Variants in RXRA observed in about 807,000 individuals in gnomAD.
RXRA encodes retinoid X receptor alpha, also known as retinoic acid receptor RXR-alpha.
Under a neutral mutation model 44.5 loss-of-function variants are expected in RXRA, and 5 were observed. The observed-to-expected ratio is 0.11, with a 90% confidence interval of 0.06 to 0.24. The LOEUF (loss-of-function observed/expected upper bound fraction) is 0.24. RXRA is among the 10% of genes least tolerant of loss of function. The pLI, the probability that RXRA is intolerant of heterozygous loss-of-function variation, is 1.00. For synonymous variants in RXRA, 291 were observed against 271.4 expected (o/e 1.07, Z -0.71); for missense variants, 412 against 646.5 (o/e 0.64, Z 3.93).
At chr9:134,361,210 G>T (rs929487581) in intron 1 of RXRA, among the ~76,000 whole-genome samples, 1 of 152,198 alleles carries the variant, frequency 6.6e-6, no homozygotes, top group African/African-American at 2.4e-5. Flanking sequence ...TTCCGGTTGG[G>T]CACTGGGTCT....
At chr9:134,429,633 C>T (rs1347767927) in intron 7 of RXRA, among the ~76,000 whole-genome samples, 1 of 152,200 alleles carries the variant, frequency 6.6e-6, no homozygotes, top group African/African-American at 2.4e-5. Context: ...CAGCCCGGGG[C>T]GTGGTGCGGC....
intron 1 of RXRA, among the ~76,000 whole-genome samples, chr9:134,355,696 G>T (rs1050808267): frequency 5.9e-5 from 9 of 152,094 alleles, no homozygotes; most frequent in Non-Finnish European, 7.4e-5. Flanking sequence ...CCCGCTGGGT[G>T]GGGGAGGTCC....
chr9:134,417,423 G>A lies in RXRA; in HGVS notation c.780+96G>A. 1 of 1,434,460 alleles carries A rather than the reference G, an allele frequency of 7.0e-7. No homozygotes were observed. The highest frequency in any genetic ancestry group is 1.3e-5 in the South Asian group (1 of 76,946). 88.9% of individuals were successfully genotyped at this position (1,434,460 alleles called of 1,614,324 possible). On this transcript the variant is annotated intron_variant, in intron 5 of 9. Transcript: ENST00000481739. The surrounding 1 kb of genome is among the most constrained non-coding windows in gnomAD (Gnocchi z 6.1). ...CCTGAGCAGCTGATGAGCCAGAGAG[G>A]TCCTGGGGGCTGCCCTGGGCCCTGT...
chr9:134,413,989 T>C (rs1185998036), intron 4 of RXRA, among the ~76,000 whole-genome samples: 2 of 152,164 alleles, frequency 1.3e-5, no homozygotes, highest in East Asian at 3.9e-4. Flanking sequence ...GTAAAGAGGC[T>C]CTGTGTTTAC....
intron 6 of RXRA, chr9:134,422,024 C>A (rs542912911): frequency 7.2e-5 from 105 of 1,450,484 alleles, no homozygotes; most frequent in Non-Finnish European, 9.4e-5. Flanking sequence ...ACACTCCCCC[C>A]TCCCTGGATG....
At chr9:134,333,918 C>G (rs868934153) in intron 1 of RXRA, among the ~76,000 whole-genome samples, 16 of 152,220 alleles carry the variant, frequency 1.1e-4, no homozygotes, top group African/African-American at 3.1e-4. Context: ...TGTGCAGGCT[C>G]AGCCTTCCTT....
At chr9:134,369,048 G>A (rs372887158) in intron 1 of RXRA, among the ~76,000 whole-genome samples, 32 of 69,190 alleles carry the variant, frequency 4.6e-4, no homozygotes, top group African/African-American at 2.2e-3. Context: ...GGTTATGTGT[G>A]TATGGGGGGT....
At position 134,365,718 on chromosome 9, in the gene RXRA, G is replaced by A. The variant is rs1454210994; in HGVS notation, c.29-35914G>A. 1.3e-5 allele frequency among the ~76,000 whole-genome samples: 2 copies of A among 152,052 alleles called. No individual in the cohort carries two copies. Among genetic ancestry groups the A allele is most frequent in the Non-Finnish European group, 2.9e-5 (2 of 67,994 alleles). On this transcript the variant is annotated intron_variant, in intron 1 of 9. Coordinates refer to ENST00000481739, the MANE Select transcript of RXRA (RefSeq NM_002957.6). The surrounding 1 kb of genome is among the most constrained non-coding windows in gnomAD (Gnocchi z 4.0). Reference sequence around the variant, plus strand: ...ACTCTAGGCCAGATGTAGCCCTGAGGGGCCCGGCAGAGTCTCGGTGGGTCT... The same window carrying A: ...ACTCTAGGCCAGATGTAGCCCTGAGAGGCCCGGCAGAGTCTCGGTGGGTCT...
At chr9:134,384,886 G>C (rs1195574542) in intron 1 of RXRA, among the ~76,000 whole-genome samples, 1 of 152,198 alleles carries the variant, frequency 6.6e-6, no homozygotes, top group African/African-American at 2.4e-5. Context: ...CCTGCAGAAG[G>C]GTTTTCAGAC....
intron 1 of RXRA, among the ~76,000 whole-genome samples, chr9:134,377,409 G>A (rs1830571868): frequency 6.6e-6 from 1 of 152,182 alleles, no homozygotes; most frequent in South Asian, 2.1e-4. Context: ...CATGGGAGGG[G>A]TCCCCAGTGT....
Position 134,438,408 on chromosome 9 carries a change from A to C in RXRA, c.*1794A>C, listed in dbSNP as rs959308088. On this transcript the variant is annotated 3_prime_UTR_variant, in exon 10 of 10. Coordinates refer to ENST00000481739, the MANE Select transcript of RXRA (RefSeq NM_002957.6). ...GCTTAGGCACCCGAGTGGAGCCTGC[A>C]GCTGAGTCTGTGCCCGAGACAGGCT... The C allele has an allele frequency of 7.2e-5, 11 of 152,238 alleles. No homozygotes were observed. Among genetic ancestry groups the C allele is most frequent in the Admixed American group, 6.5e-4 (10 of 15,282 alleles). The allele number at this position is 152,238 out of a possible 1,614,324, so 9.4% of individuals were successfully genotyped here.
chr9:134,350,466 C>T (rs1830207857), intron 1 of RXRA, among the ~76,000 whole-genome samples: 1 of 152,160 alleles, frequency 6.6e-6, no homozygotes, highest in Non-Finnish European at 1.5e-5. Flanking sequence ...TGGCTGGGGT[C>T]CCCAGGGGCT....
chr9:134,346,985 C>G (rs1564263721), intron 1 of RXRA, among the ~76,000 whole-genome samples: 1 of 152,202 alleles, frequency 6.6e-6, no homozygotes, highest in African/African-American at 2.4e-5. Flanking sequence ...GGACCTGGCC[C>G]TTGCGGGGAG....
chr9:134,436,865 C>T lies in RXRA; in HGVS notation c.*251C>T, dbSNP rs1036328239. On this transcript the variant is annotated 3_prime_UTR_variant, in exon 10 of 10. Transcript: ENST00000481739. ...GTGGCAAGAACTAGCGTGAGCCCAG[C>T]CAGGCGCCTCCCCACCGGGCTCTCA... The T allele has an allele frequency of 4.9e-5, 24 of 488,342 alleles. No individual in the cohort carries two copies. Among genetic ancestry groups the T allele is most frequent in the South Asian group, 2.3e-4 (9 of 38,868 alleles). The allele number at this position is 488,342 out of a possible 1,614,324, so 30.3% of individuals were successfully genotyped here. A position where few individuals can be genotyped will look rare whatever the true frequency, so the allele number is the denominator to read the frequency against.
At chr9:134,368,993 G>A (rs1159172711) in intron 1 of RXRA, among the ~76,000 whole-genome samples, 10 of 121,542 alleles carry the variant, frequency 8.2e-5, no homozygotes, top group East Asian at 5.3e-4. Context: ...GTGTGAGTGC[G>A]GGGCTTGTGT....
intron 6 of RXRA, chr9:134,423,854 C>T (rs1831388240): frequency 1.0e-6 from 1 of 985,338 alleles, no homozygotes; most frequent in African/African-American, 1.7e-5. Context: ...AAGGCTTTTG[C>T]TGAGAGAGGG....
intron 1 of RXRA, among the ~76,000 whole-genome samples, chr9:134,391,737 G>C (rs1396477936): frequency 6.6e-6 from 1 of 152,236 alleles, no homozygotes; most frequent in Non-Finnish European, 1.5e-5. Context: ...CAGGGCTCAT[G>C]GGTGTCTGCT....
rs775765552 is a variant in RXRA, at chr9:134,401,762, C to T, written c.159C>T (p.Thr53=). The change falls in exon 2 of 10, where the codon ACC becomes ACT. Residue 53 remains threonine (T), a synonymous_variant. Transcript: ENST00000481739. ...GACAGCTGCATTCTCCCATCAGCAC[C>T]CTGAGCTCCCCCATCAACGGCATGG... ...SPGQLHSPIS[T]LSSPINGMGP... is the part of the protein sequence containing the mutation. 2 of 1,613,250 alleles carry T rather than the reference C, an allele frequency of 1.2e-6. No individual in the cohort carries two copies. The highest frequency in any genetic ancestry group is 2.7e-5 in the African/African-American group (2 of 75,058).
At chr9:134,409,348 C>T (rs34662142) in intron 4 of RXRA, among the ~76,000 whole-genome samples, 6,219 of 152,240 alleles carry the variant, frequency 0.041, 177 homozygotes, top group Admixed American at 0.066. Context: ...GTTGGCTGTC[C>T]GGTGAGGGGA....
Sources: gnomAD v4.1 joint callset for allele counts (sites outside exome capture counted in the v4.1 genomes callset) on GRCh38, gnomAD v4.1.1 for gene constraint, Gnocchi (gnomAD v3.1) non-coding constraint, MANE v1.5 for transcripts, NCBI Gene and HGNC (gene_info 2026-07-23, HGNC 2026-07-21) for gene names.